PDE4B: variants seen among roughly 807,000 people sequenced by gnomAD.
PDE4B encodes 3',5'-cyclic-AMP phosphodiesterase 4B.
PDE4B carries 20 observed loss-of-function variants against 82.2 expected under a neutral mutation model. The ratio of observed to expected loss-of-function variants is 0.24; its 90% confidence interval spans 0.17 to 0.35. The LOEUF is 0.35. Among genes scored for constraint, PDE4B ranks in the 10% least tolerant of loss-of-function variants. PDE4B has a pLI of 1.00. For synonymous variants in PDE4B, 320 were observed against 318.9 expected (o/e 1.00, Z -0.04); for missense variants, 655 against 907.2 (o/e 0.72, Z 3.57).
rs200417821 is a variant in PDE4B, at chr1:66,166,442, AC to A, written c.282-81017del. ...TTGTTCTTCCAAGGACGCTATTAAA[AC>A]AGTGAAAGGGGGCTGGGCGGGTTGG... On this transcript the variant is annotated intron_variant, in intron 3 of 16. Transcript: ENST00000341517. Among the ~76,000 whole-genome samples the A allele has an allele frequency of 5.1e-3, 770 of 152,260 alleles. 5 individuals are homozygous for A. Among genetic ancestry groups the A allele is most frequent in the African/African-American group, 0.018 (741 of 41,562 alleles).
At chr1:65,886,621 G>A (rs934373520) in intron 1 of PDE4B, among the ~76,000 whole-genome samples, 1 of 152,100 alleles carries the variant, frequency 6.6e-6, no homozygotes, top group African/African-American at 2.4e-5. Context: ...TTACATGAGT[G>A]AGAATATGTG....
chr1:66,336,164 A>G (rs1036877588), intron 8 of PDE4B, among the ~76,000 whole-genome samples: 2 of 152,172 alleles, frequency 1.3e-5, no homozygotes, highest in African/African-American at 4.8e-5. Context: ...AAGCCAACCA[A>G]CGTCATTAGA....
At chr1:65,899,816 C>T (rs1220028874) in intron 1 of PDE4B, among the ~76,000 whole-genome samples, 6 of 151,676 alleles carry the variant, frequency 4.0e-5, no homozygotes, top group African/African-American at 7.3e-5. Context: ...CACTCATAAG[C>T]GGGAGCTAAG....
At chr1:65,995,205 C>A (rs965121295) in intron 3 of PDE4B, among the ~76,000 whole-genome samples, 1 of 152,052 alleles carries the variant, frequency 6.6e-6, no homozygotes, top group Non-Finnish European at 1.5e-5. Flanking sequence ...CTCACACATT[C>A]CCCTTCTGAT....
intron 3 of PDE4B, among the ~76,000 whole-genome samples, chr1:65,947,504 T>C (rs1292729835): frequency 1.3e-5 from 2 of 152,044 alleles, no homozygotes; most frequent in South Asian, 2.1e-4. Context: ...AAAGGATATA[T>C]TGAAGTCCTA....
At chr1:65,920,048 A>G (rs1480514293) in intron 3 of PDE4B, among the ~76,000 whole-genome samples, 1 of 152,236 alleles carries the variant, frequency 6.6e-6, no homozygotes, top group Admixed American at 6.5e-5. Flanking sequence ...CCAATCATGG[A>G]GAATTAAAAG....
chr1:65,989,631 G>A (rs1248377422), intron 3 of PDE4B, among the ~76,000 whole-genome samples: 3 of 152,050 alleles, frequency 2.0e-5, no homozygotes, highest in South Asian at 4.1e-4. Context: ...CTCCTTCTGA[G>A]GTGCCAAGGG....
Position 66,247,581 on chromosome 1 carries a change from C to T in PDE4B, c.403C>T (p.Leu135Phe). The change falls in exon 4 of 17, where the codon CTC (leucine) becomes TTC (phenylalanine). Residue 135 changes from leucine to phenylalanine, a missense_variant. Transcript: ENST00000341517. ...PGHSQRRESF[L>F]YRSDSDYDLS... is the part of the protein sequence containing the mutation. Reference sequence around the variant, plus strand: ...GCACAGCCAGCGCAGAGAGTCATTTCTCTACAGATCAGACAGCGACTATGA... The same window carrying T: ...GCACAGCCAGCGCAGAGAGTCATTTTTCTACAGATCAGACAGCGACTATGA... 1 of 1,611,548 alleles carries T rather than the reference C, an allele frequency of 6.2e-7. No homozygotes were observed. The highest frequency in any genetic ancestry group is 1.7e-5 in the Admixed American group (1 of 59,656).
chr1:66,084,915 A>G (rs919905923), intron 3 of PDE4B, among the ~76,000 whole-genome samples: 3 of 152,188 alleles, frequency 2.0e-5, no homozygotes, highest in Non-Finnish European at 2.9e-5. Flanking sequence ...TCAAGAAACC[A>G]AAGTGAACAG....
intron 3 of PDE4B, among the ~76,000 whole-genome samples, chr1:66,220,533 G>C (rs1485556600): frequency 6.6e-6 from 1 of 152,130 alleles, no homozygotes; most frequent in Non-Finnish European, 1.5e-5. Context: ...TGAGATGGAT[G>C]ATGACAGTGG....
intron 3 of PDE4B, among the ~76,000 whole-genome samples, chr1:65,924,644 C>T (rs1272359098): frequency 6.6e-6 from 1 of 152,152 alleles, no homozygotes; most frequent in Non-Finnish European, 1.5e-5. Context: ...CTCAGAGTCT[C>T]TCACAAGACT....
chr1:65,871,707 G>T (rs1342419604), intron 1 of PDE4B, among the ~76,000 whole-genome samples: 1 of 152,192 alleles, frequency 6.6e-6, no homozygotes, highest in Admixed American at 6.5e-5. Flanking sequence ...ACCATGAATT[G>T]TGCAGGCTGC....
intron 3 of PDE4B, among the ~76,000 whole-genome samples, chr1:66,065,766 T>C (rs1325445392): frequency 6.6e-6 from 1 of 151,902 alleles, no homozygotes; most frequent in Non-Finnish European, 1.5e-5. Flanking sequence ...TGAAATTCAG[T>C]TCTCAAATTC....
intron 3 of PDE4B, among the ~76,000 whole-genome samples, chr1:65,984,210 G>A (rs1650836147): frequency 6.6e-6 from 1 of 152,152 alleles, no homozygotes; most frequent in East Asian, 1.9e-4. Flanking sequence ...ACATTGTGCT[G>A]AATAAAAACT....
chr1:66,183,336 C>A (rs929637339), intron 3 of PDE4B, among the ~76,000 whole-genome samples: 3 of 152,044 alleles, frequency 2.0e-5, no homozygotes, highest in African/African-American at 4.8e-5. Context: ...CACAAAGAAC[C>A]ATTTCTAAAT....
intron 3 of PDE4B, among the ~76,000 whole-genome samples, chr1:65,998,170 A>G (rs1334395194): frequency 2.6e-5 from 4 of 152,172 alleles, no homozygotes; most frequent in South Asian, 2.1e-4. Flanking sequence ...TATTATTTTC[A>G]TTTTATAGGA....
At chr1:65,831,205 A>G (rs1185317549) in intron 1 of PDE4B, among the ~76,000 whole-genome samples, 1 of 152,118 alleles carries the variant, frequency 6.6e-6, no homozygotes, top group African/African-American at 2.4e-5. Context: ...GCAGAGGTTA[A>G]TGAAACTGAA....
intron 3 of PDE4B, among the ~76,000 whole-genome samples, chr1:66,110,773 A>G (rs1645469812): frequency 6.6e-6 from 1 of 152,106 alleles, no homozygotes; most frequent in South Asian, 2.1e-4. Context: ...TGTAGTAAGC[A>G]CTCAATGTAA....
At chr1:66,212,899 A>C (rs942918801) in intron 3 of PDE4B, among the ~76,000 whole-genome samples, 1 of 152,178 alleles carries the variant, frequency 6.6e-6, no homozygotes, top group Non-Finnish European at 1.5e-5. Flanking sequence ...ATACCCCTCA[A>C]AGATAACAGC....
Sources: gnomAD v4.1 joint callset for allele counts (sites outside exome capture counted in the v4.1 genomes callset) on GRCh38, gnomAD v4.1.1 for gene constraint, MANE v1.5 for transcripts, NCBI Gene and HGNC (gene_info 2026-07-23, HGNC 2026-07-21) for gene names.